Variants in CSMD1 observed in about 807,000 individuals in gnomAD.
CSMD1 encodes the protein CUB and Sushi multiple domains 1.
CSMD1 carries 213 observed loss-of-function variants against 417.5 expected under a neutral mutation model. The ratio of observed to expected loss-of-function variants is 0.51; its 90% CI spans 0.46 to 0.57. The LOEUF is 0.57. Among genes scored for constraint, CSMD1 ranks in the 20% least tolerant of loss-of-function variants. CSMD1 has a pLI of 0.00. For synonymous variants in CSMD1, 2,862 were observed against 1,736.8 expected (o/e 1.65, Z -16.11); for missense variants, 6,923 against 4,529.7 (o/e 1.53, Z -15.17).
intron 3 of CSMD1, among the ~76,000 whole-genome samples, chr8:4,399,825 T>A (rs564462201): frequency 6.6e-6 from 1 of 152,314 alleles, no homozygotes; most frequent in African/African-American, 2.4e-5. Flanking sequence ...TAAAATAAGT[T>A]TTCTAAGCCA....
intron 12 of CSMD1, among the ~76,000 whole-genome samples, chr8:3,414,256 T>C (rs1253842870): frequency 8.5e-6 from 1 of 117,122 alleles, no homozygotes; most frequent in Non-Finnish European, 1.7e-5. Context: ...ACAAACTATC[T>C]CTTCCAAATT....
chr8:4,697,410 G>T (rs1807207028), intron 1 of CSMD1, among the ~76,000 whole-genome samples: 1 of 152,076 alleles, frequency 6.6e-6, no homozygotes, highest in African/African-American at 2.4e-5. Context: ...TAGCAAATTA[G>T]TGTATTTGGG....
intron 3 of CSMD1, among the ~76,000 whole-genome samples, chr8:4,392,530 A>T (rs910462076): frequency 2.0e-5 from 3 of 152,104 alleles, no homozygotes; most frequent in African/African-American, 7.2e-5. Context: ...TGGAGATGGG[A>T]GTGTCATTGG....
chr8:4,046,347 G>A (rs550461209), intron 3 of CSMD1, among the ~76,000 whole-genome samples: 1 of 152,204 alleles, frequency 6.6e-6, no homozygotes, highest in East Asian at 1.9e-4. Context: ...TAGACTCAAT[G>A]TTATCATTAT....
intron 7 of CSMD1, among the ~76,000 whole-genome samples, chr8:3,632,167 A>C (rs1001369177): frequency 1.3e-5 from 2 of 152,214 alleles, no homozygotes; most frequent in African/African-American, 4.8e-5. Flanking sequence ...ATTTTAAAAA[A>C]TTCAAAGAGC....
At chr8:3,640,120 A>G (rs977091086) in intron 7 of CSMD1, among the ~76,000 whole-genome samples, 1 of 152,084 alleles carries the variant, frequency 6.6e-6, no homozygotes, top group African/African-American at 2.4e-5. Flanking sequence ...CCTTTTTTCC[A>G]CCTGTCCCAC....
At chr8:2,985,380 T>G (rs1308915251) in intron 54 of CSMD1, among the ~76,000 whole-genome samples, 1 of 152,028 alleles carries the variant, frequency 6.6e-6, no homozygotes, top group Non-Finnish European at 1.5e-5. Context: ...GAGACTGTGG[T>G]GTGATACTGC....
intron 5 of CSMD1, among the ~76,000 whole-genome samples, chr8:3,836,398 T>C (rs1418699214): frequency 2.0e-5 from 3 of 152,086 alleles, no homozygotes; most frequent in Admixed American, 1.3e-4. Context: ...CAAAGATGTT[T>C]TCTTAGGTGA....
chr8:3,584,862 C>G (rs1800530708), intron 9 of CSMD1, among the ~76,000 whole-genome samples: 1 of 152,138 alleles, frequency 6.6e-6, no homozygotes, highest in African/African-American at 2.4e-5. Flanking sequence ...TTGTGCATCA[C>G]CAGCCCTAGT....
chr8:3,566,054 T>C (rs549978387), intron 10 of CSMD1, among the ~76,000 whole-genome samples: 2 of 152,290 alleles, frequency 1.3e-5, no homozygotes, highest in East Asian at 1.9e-4. Flanking sequence ...TACGGGACCC[T>C]GTTTATATCT....
chr8:3,777,324 C>A (rs1210861079), intron 5 of CSMD1, among the ~76,000 whole-genome samples: 1 of 152,086 alleles, frequency 6.6e-6, no homozygotes, highest in East Asian at 1.9e-4. Context: ...GACTGATAAT[C>A]CTACTCACAC....
intron 5 of CSMD1, among the ~76,000 whole-genome samples, chr8:3,881,021 A>G (rs1433124067): frequency 1.3e-5 from 2 of 152,170 alleles, no homozygotes; most frequent in Non-Finnish European, 2.9e-5. Flanking sequence ...GAAATCATTT[A>G]CAATATCAAT....
intron 26 of CSMD1, among the ~76,000 whole-genome samples, chr8:3,280,441 A>G (rs953609203): frequency 6.6e-6 from 1 of 152,206 alleles, no homozygotes; most frequent in Non-Finnish European, 1.5e-5. Flanking sequence ...CTAAGTTTTT[A>G]TATCTTGTTT....
chr8:4,070,877 C>A (rs1052874044), intron 3 of CSMD1, among the ~76,000 whole-genome samples: 1 of 152,096 alleles, frequency 6.6e-6, no homozygotes, highest in African/African-American at 2.4e-5. Flanking sequence ...TTCCTTTTTG[C>A]TTTGTTTACT....
chr8:3,881,618 A>AAT (rs1806210237), intron 5 of CSMD1, among the ~76,000 whole-genome samples: 1 of 139,132 alleles, frequency 7.2e-6, no homozygotes, highest in South Asian at 2.2e-4. Flanking sequence ...CAAAAAAAAA[A>AAT]AAAACAAAAA....
At chr8:4,356,329 T>TACACACACACACAC (rs3990908) in intron 3 of CSMD1, among the ~76,000 whole-genome samples, 37 of 150,976 alleles carry the variant, frequency 2.5e-4, no homozygotes, top group African/African-American at 8.5e-4. Flanking sequence ...TCATATGTAA[T>TACACACACACACAC]ACACACACAC....
chr8:3,244,372 G>T (rs111780616), intron 26 of CSMD1, among the ~76,000 whole-genome samples: 4 of 152,146 alleles, frequency 2.6e-5, no homozygotes, highest in Non-Finnish European at 4.4e-5. Context: ...AACCTAGGAC[G>T]TGTCCTCCCC....
At chr8:4,129,817 G>C (rs552800350) in intron 3 of CSMD1, among the ~76,000 whole-genome samples, 1 of 152,042 alleles carries the variant, frequency 6.6e-6, no homozygotes, top group South Asian at 2.1e-4. Flanking sequence ...TATTTTCTAA[G>C]TTGTCTCTGA....
intron 1 of CSMD1, among the ~76,000 whole-genome samples, chr8:4,969,207 A>G (rs1810085986): frequency 6.6e-6 from 1 of 152,140 alleles, no homozygotes; most frequent in Admixed American, 6.6e-5. Flanking sequence ...GCTCACTGCT[A>G]TGCTAGTGAC....
Sources: gnomAD v4.1 joint callset for allele counts (sites outside exome capture counted in the v4.1 genomes callset) on GRCh38, gnomAD v4.1.1 for gene constraint, MANE v1.5 for transcripts, NCBI Gene and HGNC (gene_info 2026-07-23, HGNC 2026-07-21) for gene names.